Variants in DNAAF4 observed in about 807,000 individuals in gnomAD.
The protein encoded by DNAAF4 is dynein axonemal assembly factor 4, also known as dynein assembly factor 4, axonemal.
A neutral mutation model predicts 51.8 loss-of-function variants in DNAAF4; 43 were observed. The ratio of observed to expected loss-of-function variants is 0.83; its 90% CI spans 0.65 to 1.07. The LOEUF (loss-of-function observed/expected upper bound fraction) is 1.07. Among genes scored for constraint, DNAAF4 ranks in the 50% least tolerant of loss-of-function variants. The pLI is 0.00. For synonymous variants in DNAAF4, 194 were observed against 165.6 expected (o/e 1.17, Z -1.32); for missense variants, 581 against 493.0 (o/e 1.18, Z -1.69).
chr15:55,472,449 C>G lies in DNAAF4; in HGVS notation c.406-5288G>C, dbSNP rs796148137. Among the ~76,000 whole-genome samples the G allele has an allele frequency of 3.9e-4, 59 of 152,108 alleles. 1 individual carries two copies. The highest frequency in any genetic ancestry group is 1.4e-3 in the African/African-American group (58 of 41,506). On this transcript the variant is annotated intron_variant, in intron 4 of 9. Coordinates refer to ENST00000321149, the MANE Select transcript of DNAAF4 (RefSeq NM_130810.4). ...CCTGGCCAACATGGTGAAACCCCAT[C>G]TATACTAATAATACAAAAATTAGGT...
chr15:55,432,671 C>T lies in DNAAF4; in HGVS notation c.1048-69G>A, dbSNP rs994282877. On this transcript the variant is annotated intron_variant, in intron 8 of 9. Coordinates refer to ENST00000321149, the MANE Select transcript of DNAAF4 (RefSeq NM_130810.4). ...TAATTTAAACAAGCAAAAGGCTGGGCATGGTGGCTCACGCCTGTAATCCCA... is the reference window on the plus strand; with the variant it reads ...TAATTTAAACAAGCAAAAGGCTGGGTATGGTGGCTCACGCCTGTAATCCCA... 5.0e-6 allele frequency: 7 copies of T among 1,394,092 alleles called. No homozygotes were observed. The African/African-American group carries it at 5.8e-5, about 11-fold the overall frequency. The allele number at this position is 1,394,092 out of a possible 1,614,324, so 86.4% of individuals were successfully genotyped here. A position where few individuals can be genotyped will look rare whatever the true frequency, so the allele number is the denominator to read the frequency against.
Position 55,498,593 on chromosome 15 carries a change from GAAAA to G in DNAAF4, c.-255-13_-255-10del, listed in dbSNP as rs3049057. ...AAGTAGACCCATACCCTCTGCTTGAGAAAAAAAAAAAAAAAAAAAAGCACTCTGT... is the reference window on the plus strand; with the variant it reads ...AAGTAGACCCATACCCTCTGCTTGAGAAAAAAAAAAAAAAAAGCACTCTGT... On this transcript the variant is annotated splice_polypyrimidine_tract_variant and intron_variant, in intron 1 of 9. Coordinates refer to ENST00000321149, the MANE Select transcript of DNAAF4 (RefSeq NM_130810.4). The G allele has an allele frequency of 3.3e-4, 25 of 74,692 alleles. No individual in the cohort carries two copies. The highest frequency in any genetic ancestry group is 1.1e-3 in the South Asian group (2 of 1,758). The allele number at this position is 74,692 out of a possible 1,614,324, so 4.6% of individuals were successfully genotyped here. A position where few individuals can be genotyped will look rare whatever the true frequency, so the allele number is the denominator to read the frequency against.
chr15:55,460,219 C>T (rs528285597), intron 5 of DNAAF4, among the ~76,000 whole-genome samples: 17 of 140,012 alleles, frequency 1.2e-4, no homozygotes, highest in East Asian at 2.2e-4. Flanking sequence ...CTCACTCTGT[C>T]GCCCAGGCTG....
chr15:55,451,471 T>C (rs1264138960), intron 5 of DNAAF4, among the ~76,000 whole-genome samples: 1 of 152,196 alleles, frequency 6.6e-6, no homozygotes, highest in East Asian at 1.9e-4. Context: ...TACCTAGTCA[T>C]CTTTTGTGAA....
At chr15:55,475,139 A>G (rs1411997865) in intron 4 of DNAAF4, among the ~76,000 whole-genome samples, 1 of 152,240 alleles carries the variant, frequency 6.6e-6, no homozygotes, top group East Asian at 1.9e-4. Flanking sequence ...CTGCAAATTT[A>G]CAAAGTCAAT....
chr15:55,462,756 G>A lies in DNAAF4; in HGVS notation c.637+4174C>T, dbSNP rs567923102. On this transcript the variant is annotated intron_variant, in intron 5 of 9. Coordinates refer to ENST00000321149, the MANE Select transcript of DNAAF4 (RefSeq NM_130810.4). ...AAAAGGTAATACACCATAATTAAGTGGGTTTCATACCAGGGATGCAGGGCT... is the reference window on the plus strand; with the variant it reads ...AAAAGGTAATACACCATAATTAAGTAGGTTTCATACCAGGGATGCAGGGCT... 2.0e-5 allele frequency among the ~76,000 whole-genome samples: 3 copies of A among 152,198 alleles called. No individual in the cohort carries two copies. In the East Asian group the frequency reaches 5.8e-4, roughly 29 times the overall value.
At chr15:55,428,576 C>T (rs887346474), downstream of DNAAF4, among the ~76,000 whole-genome samples, 1 of 143,482 alleles carries the variant, frequency 7.0e-6, no homozygotes, top group African/African-American at 2.6e-5. Flanking sequence ...CTCACTGCAA[C>T]CTCCGCCTCC....
At chr15:55,463,074 T>A (rs966119586) in intron 5 of DNAAF4, among the ~76,000 whole-genome samples, 2 of 151,812 alleles carry the variant, frequency 1.3e-5, no homozygotes. Flanking sequence ...CTGGGGAGGT[T>A]GAGGCAGGAG....
chr15:55,447,090 T>A (rs977034438), intron 6 of DNAAF4, among the ~76,000 whole-genome samples: 2 of 136,968 alleles, frequency 1.5e-5, no homozygotes, highest in Non-Finnish European at 3.1e-5. Flanking sequence ...GAGGTGCTCC[T>A]CACTTCCCAG....
At chr15:55,421,838 G>A (rs866034558) in intron 7 of DNAAF4, among the ~76,000 whole-genome samples, 26 of 150,928 alleles carry the variant, frequency 1.7e-4, no homozygotes, top group South Asian at 1.0e-3. Context: ...GCGGTGAGCC[G>A]ATATCACACC....
chr15:55,439,262 G>C (rs369797995), intron 7 of DNAAF4, among the ~76,000 whole-genome samples: 26 of 152,252 alleles, frequency 1.7e-4, no homozygotes, highest in Admixed American at 3.3e-4. Context: ...CACCACACCA[G>C]GCTAATGTTT....
chr15:55,505,633 G>A (rs2058723246), intron 1 of DNAAF4, among the ~76,000 whole-genome samples: 1 of 152,170 alleles, frequency 6.6e-6, no homozygotes, highest in Non-Finnish European at 1.5e-5. Flanking sequence ...GGATGAATCT[G>A]GAAACCATCA....
At chr15:55,448,629 G>A (rs908484019) in intron 6 of DNAAF4, among the ~76,000 whole-genome samples, 2 of 151,378 alleles carry the variant, frequency 1.3e-5, no homozygotes, top group Non-Finnish European at 2.9e-5. Flanking sequence ...CAGCACTTTG[G>A]GAGGCCGAGG....
chr15:55,490,788 C>A (rs1174800294), intron 4 of DNAAF4, among the ~76,000 whole-genome samples: 1 of 152,026 alleles, frequency 6.6e-6, no homozygotes, highest in African/African-American at 2.4e-5. Flanking sequence ...CCTGTCTCTA[C>A]TAAAAACACA....
chr15:55,486,723 G>A (rs553079884), intron 4 of DNAAF4, among the ~76,000 whole-genome samples: 8 of 151,728 alleles, frequency 5.3e-5, no homozygotes, highest in African/African-American at 7.3e-5. Flanking sequence ...GGTCAATGTA[G>A]TGAGCTGTAA....
chr15:55,505,263 A>C (rs2058720945), intron 1 of DNAAF4, among the ~76,000 whole-genome samples: 1 of 152,220 alleles, frequency 6.6e-6, no homozygotes. Flanking sequence ...AAACGTCAAG[A>C]AACAATAGAT....
At chr15:55,475,716 A>G (rs928919260) in intron 4 of DNAAF4, among the ~76,000 whole-genome samples, 2 of 151,652 alleles carry the variant, frequency 1.3e-5, no homozygotes, top group Non-Finnish European at 3.0e-5. Context: ...TGCTCAACCC[A>G]TACCAACATG....
intron 7 of DNAAF4, among the ~76,000 whole-genome samples, chr15:55,437,097 G>A (rs954351239): frequency 3.3e-5 from 5 of 152,184 alleles, no homozygotes; most frequent in East Asian, 1.9e-4. Context: ...GATTACAGGC[G>A]TGAGCCACCG....
At chr15:55,478,509 G>A (rs1364956831) in intron 4 of DNAAF4, among the ~76,000 whole-genome samples, 3 of 152,116 alleles carry the variant, frequency 2.0e-5, no homozygotes, top group Non-Finnish European at 4.4e-5. Context: ...GAATGGCAGT[G>A]CCAGTCAACA....
Sources: allele counts gnomAD v4.1 joint callset (sites outside exome capture counted in the v4.1 genomes callset), GRCh38; gene constraint gnomAD v4.1.1; transcripts MANE v1.5; gene names NCBI Gene and HGNC (gene_info 2026-07-23, HGNC 2026-07-21).